Variants in PDE4D observed in about 807,000 individuals in gnomAD.
PDE4D encodes the protein phosphodiesterase 4D.
A neutral mutation model predicts 87.4 loss-of-function variants in PDE4D; 24 were observed. The observed-to-expected ratio is 0.27, with a 90% CI of 0.20 to 0.39. PDE4D has a LOEUF of 0.39. Ranked by LOEUF, PDE4D falls within the 10% of genes least tolerant of loss-of-function variation. The probability of loss-of-function intolerance (pLI) is 1.00; values close to 1 mark genes in which losing one functional copy is unlikely to be tolerated. For missense variants in PDE4D, 714 were observed against 1,041.0 expected, an observed-to-expected ratio of 0.69 and a Z score of 4.32; for synonymous variants, 384 against 383.2, an observed-to-expected ratio of 1.00 and a Z score of -0.02.
rs999249333 is a variant in PDE4D, at chr5:59,089,287, A to G, written c.809-50316T>C. 7.1e-4 allele frequency among the ~76,000 whole-genome samples: 40 copies of G among 56,520 alleles called. 1 individual carries two copies. The highest frequency in any genetic ancestry group is 1.1e-3 in the South Asian group (1 of 942). The allele number at this position is 56,520 out of a possible 152,430, so 37.1% of individuals were successfully genotyped here. A position where few individuals can be genotyped will look rare whatever the true frequency, so the allele number is the denominator to read the frequency against. Reference sequence around the variant, plus strand: ...GGTCAGTAGCTTGGCTCTGACTACAATACTGATTTCATTCAAGATAAGGAA... The same window carrying G: ...GGTCAGTAGCTTGGCTCTGACTACAGTACTGATTTCATTCAAGATAAGGAA... On this transcript the variant is annotated intron_variant, in intron 5 of 14. Transcript: ENST00000340635.
intron 5 of PDE4D, among the ~76,000 whole-genome samples, chr5:59,097,331 G>T (rs1201796066): frequency 1.3e-5 from 2 of 152,166 alleles, no homozygotes; most frequent in African/African-American, 4.8e-5. Flanking sequence ...TTGTCTTCCT[G>T]ACGATAGTTA....
intron 1 of PDE4D, among the ~76,000 whole-genome samples, chr5:59,420,105 C>T (rs1298518999): frequency 6.6e-6 from 1 of 152,174 alleles, no homozygotes; most frequent in Non-Finnish European, 1.5e-5. Context: ...TTTGAATTTG[C>T]ATCGGTAAGT....
intron 1 of PDE4D, among the ~76,000 whole-genome samples, chr5:59,425,902 C>T (rs546818198): frequency 6.6e-6 from 1 of 152,032 alleles, no homozygotes; most frequent in African/African-American, 2.4e-5. Flanking sequence ...TTGTGTCTAC[C>T]CCAAAATTTG....
At chr5:59,209,515 T>C (rs115234655) in intron 2 of PDE4D, among the ~76,000 whole-genome samples, 1 of 152,278 alleles carries the variant, frequency 6.6e-6, no homozygotes, top group African/African-American at 2.4e-5. Context: ...CAGATATGAA[T>C]AAACAACTAA....
chr5:60,184,511 T>G (rs1784622908), intron 2 of PDE4D, among the ~76,000 whole-genome samples: 1 of 152,174 alleles, frequency 6.6e-6, no homozygotes, highest in African/African-American at 2.4e-5. Flanking sequence ...CACATAAATT[T>G]GAACAATTCC....
chr5:59,400,142 A>C (rs1290929452), intron 1 of PDE4D, among the ~76,000 whole-genome samples: 21 of 104,814 alleles, frequency 2.0e-4, no homozygotes, highest in Middle Eastern at 4.6e-3. Context: ...GTGGGACTGT[A>C]AACTAGTTCA....
chr5:59,144,429 G>A (rs1229969767), intron 5 of PDE4D, among the ~76,000 whole-genome samples: 2 of 152,148 alleles, frequency 1.3e-5, no homozygotes, highest in African/African-American at 2.4e-5. Flanking sequence ...TATGTTCAGA[G>A]ATGACAAAAT....
At chr5:60,329,438 GT>G (rs1438177335) in intron 1 of PDE4D, among the ~76,000 whole-genome samples, 1 of 152,138 alleles carries the variant, frequency 6.6e-6, no homozygotes, top group Non-Finnish European at 1.5e-5. Context: ...CTTCAGAACT[GT>G]GAGTCAATTA....
At chr5:60,124,022 T>C (rs1483120934) in intron 2 of PDE4D, among the ~76,000 whole-genome samples, 2 of 152,314 alleles carry the variant, frequency 1.3e-5, no homozygotes, top group Admixed American at 6.5e-5. Context: ...GGTGGTACAA[T>C]ATATTTATCA....
chr5:59,151,901 GGAGT>G (rs1779534026), intron 5 of PDE4D, among the ~76,000 whole-genome samples: 1 of 152,050 alleles, frequency 6.6e-6, no homozygotes, highest in Admixed American at 6.6e-5. Context: ...AATAAGGGAA[GGAGT>G]GAGGGAAGAG....
intron 1 of PDE4D, among the ~76,000 whole-genome samples, chr5:59,305,096 T>C (rs1771059142): frequency 6.6e-6 from 1 of 152,168 alleles, no homozygotes; most frequent in South Asian, 2.1e-4. Flanking sequence ...GTTCAGTGTA[T>C]CTAATTCTTC....
chr5:59,695,945 A>T (rs1751718797), intron 1 of PDE4D, among the ~76,000 whole-genome samples: 1 of 152,198 alleles, frequency 6.6e-6, no homozygotes, highest in Non-Finnish European at 1.5e-5. Context: ...AACTCATATT[A>T]TCTGGCTCAA....
chr5:60,207,194 A>G (rs1742641034), intron 1 of PDE4D, among the ~76,000 whole-genome samples: 1 of 152,210 alleles, frequency 6.6e-6, no homozygotes, highest in South Asian at 2.1e-4. Flanking sequence ...GGGGTGGCTA[A>G]TAAGGAGGAA....
At chr5:59,299,456 G>T (rs949842048) in intron 1 of PDE4D, among the ~76,000 whole-genome samples, 1 of 151,988 alleles carries the variant, frequency 6.6e-6, no homozygotes, top group African/African-American at 2.4e-5. Context: ...CTTTACTTAT[G>T]TTTCTTGAAT....
intron 1 of PDE4D, among the ~76,000 whole-genome samples, chr5:59,732,443 G>C (rs1757506228): frequency 6.9e-6 from 1 of 144,702 alleles, no homozygotes; most frequent in South Asian, 2.1e-4. Context: ...CACGCACAGA[G>C]AGAAAGGAAG....
chr5:59,771,466 A>AGAGAGAG (rs1491441506), intron 1 of PDE4D, among the ~76,000 whole-genome samples: 11 of 76,434 alleles, frequency 1.4e-4, no homozygotes, highest in African/African-American at 5.9e-4. Flanking sequence ...AGAAAGAAAG[A>AGAGAGAG]AAGAAAGAAA....
rs547917696 is a variant in PDE4D at position 59,974,577 on chromosome 5, G to C, written c.272+13911C>G. On this transcript the variant is annotated intron_variant, in intron 3 of 16. Coordinates refer to the PDE4D transcript ENST00000502484. ...GACACCATTGCAGACCTACTTACTG[G>C]GACTAGGACAAACGTTATGGTCTTT... Among the ~76,000 whole-genome samples the C allele has an allele frequency of 1.5e-3, 230 of 152,144 alleles. 1 individual carries two copies. Among genetic ancestry groups the C allele is most frequent in the African/African-American group, 5.1e-3 (212 of 41,518 alleles).
rs528418672 is a variant in PDE4D, at chr5:59,276,139, A to G, written c.456-60171T>C. 8.5e-3 allele frequency: 8,349 copies of G among 982,720 alleles called. 435 individuals are homozygous for G. The African/African-American group carries it at 0.11, about 13-fold the overall frequency. 60.9% of individuals were successfully genotyped at this position (982,720 alleles called of 1,614,324 possible). On this transcript the variant is annotated intron_variant, in intron 1 of 14. Coordinates refer to ENST00000340635, the MANE Select transcript of PDE4D (RefSeq NM_001104631.2). The stretch of plus-strand genomic sequence containing the variant: ...TGAGAAAGGAAAAAAAAAAAAAAAA[A>G]AAAAGAAAAGCCCAGCGCCCAGCCT...
chr5:60,359,033 C>T (rs971724896), intron 1 of PDE4D, among the ~76,000 whole-genome samples: 2 of 152,158 alleles, frequency 1.3e-5, no homozygotes, highest in East Asian at 1.9e-4. Context: ...GAAGATATAA[C>T]CTCTGTCTTC....
Sources: gnomAD v4.1 joint callset for allele counts (sites outside exome capture counted in the v4.1 genomes callset) on GRCh38, gnomAD v4.1.1 for gene constraint, MANE v1.5 for transcripts, NCBI Gene and HGNC (gene_info 2026-07-23, HGNC 2026-07-21) for gene names.